Variants in RYR3 observed in about 807,000 individuals in gnomAD.
RYR3 encodes ryanodine receptor 3.
Under a neutral mutation model 584.3 loss-of-function variants are expected in RYR3, and 207 were observed. The ratio of observed to expected loss-of-function variants is 0.35; its 90% CI spans 0.32 to 0.40. The LOEUF is 0.40. Ranked by LOEUF, RYR3 falls within the 10% of genes least tolerant of loss-of-function variation. The pLI, the probability that RYR3 is intolerant of heterozygous loss-of-function variation, is 1.00. For synonymous variants in RYR3, 2,416 were observed against 2,248.5 expected (o/e 1.07, Z -2.11); for missense variants, 5,616 against 6,089.2 (o/e 0.92, Z 2.59).
Position 33,547,446 on chromosome 15 carries a change from G to A in RYR3, c.741-684G>A, listed in dbSNP as rs1172287049. ...TGTTGGTTTCTCAGTTTTGACAAAC[G>A]TACCCTGGTAATATAGGATGATAAC... On this transcript the variant is annotated intron_variant, in intron 8 of 103. Coordinates refer to ENST00000634891, the MANE Select transcript of RYR3 (RefSeq NM_001036.6). Among the ~76,000 whole-genome samples the A allele has an allele frequency of 2.0e-5, 3 of 152,128 alleles. No individual in the cohort carries two copies. In the East Asian group the frequency reaches 5.8e-4, roughly 29 times the overall value.
At chr15:33,494,692 A>C (rs1181068766) in intron 2 of RYR3, among the ~76,000 whole-genome samples, 1 of 152,164 alleles carries the variant, frequency 6.6e-6, no homozygotes, top group Non-Finnish European at 1.5e-5. Context: ...TATAAGTTTA[A>C]ATTTTCTGCA....
intron 63 of RYR3, among the ~76,000 whole-genome samples, chr15:33,773,182 A>G (rs1177502118): frequency 6.6e-6 from 1 of 152,208 alleles, no homozygotes; most frequent in Non-Finnish European, 1.5e-5. Context: ...GGAAGGAAAT[A>G]TTGCCCTGGA....
At chr15:33,572,688 C>CACACACACATAT (rs368204203) in intron 12 of RYR3, among the ~76,000 whole-genome samples, 3,535 of 131,196 alleles carry the variant, frequency 0.027, 103 homozygotes, top group Admixed American at 0.07. Flanking sequence ...CACACACACA[C>CACACACACATAT]ACTGGGCTGG....
chr15:33,601,682 G>A, intron 17 of RYR3, 130 bp downstream of exon 17: 1 of 919,960 alleles, frequency 1.1e-6, no homozygotes, highest in Non-Finnish European at 1.7e-6. Flanking sequence ...AAGTACATAA[G>A]ACAAGACCAA....
At chr15:33,732,202 A>G (rs889714723) in intron 48 of RYR3, among the ~76,000 whole-genome samples, 20 of 151,512 alleles carry the variant, frequency 1.3e-4, no homozygotes, top group African/African-American at 4.9e-4. Context: ...TAACACGGTG[A>G]AACCCCATCT....
intron 10 of RYR3, among the ~76,000 whole-genome samples, chr15:33,559,869 G>A (rs931335819): frequency 6.6e-6 from 1 of 152,182 alleles, no homozygotes; most frequent in South Asian, 2.1e-4. Flanking sequence ...GTGAGGCTGG[G>A]GAATTCCAAA....
intron 1 of RYR3, among the ~76,000 whole-genome samples, chr15:33,331,346 T>A (rs1226898417): frequency 6.6e-6 from 1 of 152,186 alleles, no homozygotes; most frequent in Admixed American, 6.5e-5. Context: ...CCACCTATTA[T>A]CTTATAGCTG....
At chr15:33,622,107 A>G (rs1315625303) in intron 19 of RYR3, among the ~76,000 whole-genome samples, 3 of 152,082 alleles carry the variant, frequency 2.0e-5, no homozygotes, top group Admixed American at 6.5e-5. Context: ...GAGTCTCCCA[A>G]TTGGTCCCCA....
In RYR3 at chr15:33,311,567, G is replaced by C. The variant is rs1002092054; in HGVS notation, c.51+471G>C. Among the ~76,000 whole-genome samples, 6 of 152,190 alleles carry C rather than the reference G, an allele frequency of 3.9e-5. No homozygotes were observed. The highest frequency in any genetic ancestry group is 2.9e-5 in the Non-Finnish European group (2 of 68,028). On this transcript the variant is annotated intron_variant, in intron 1 of 103. Transcript: ENST00000634891. The surrounding 1 kb of genome is among the most constrained non-coding windows in gnomAD (Gnocchi z 4.4). ...CCTCCGGGAAGGAGCCAGCGGGGCAGGGGGGAGTGTGGGGAGCCGGGTCGG... is the reference window on the plus strand; with the variant it reads ...CCTCCGGGAAGGAGCCAGCGGGGCACGGGGGAGTGTGGGGAGCCGGGTCGG...
intron 78 of RYR3, 132 bp from the exon 79 acceptor site, chr15:33,821,138 A>G: frequency 1.5e-6 from 1 of 678,148 alleles, no homozygotes; most frequent in Non-Finnish European, 2.6e-6. Flanking sequence ...AAACTTCAGA[A>G]GTCTGCTTTA....
At chr15:33,701,978 A>G (rs35962737) in intron 42 of RYR3, among the ~76,000 whole-genome samples, 27,949 of 152,118 alleles carry the variant, frequency 0.18, 2,767 homozygotes, top group Non-Finnish European at 0.23. Context: ...TACCATTTCT[A>G]TTACTAAAAG....
chr15:33,466,588 G>A (rs540642776), intron 1 of RYR3, among the ~76,000 whole-genome samples: 23 of 152,204 alleles, frequency 1.5e-4, no homozygotes, highest in Admixed American at 1.2e-3. Context: ...TCTGAGAGGT[G>A]GACACTGGAC....
At chr15:33,673,308 A>C (rs74643017) in intron 38 of RYR3, among the ~76,000 whole-genome samples, 77 of 152,356 alleles carry the variant, frequency 5.1e-4, no homozygotes, top group Non-Finnish European at 9.8e-4. Flanking sequence ...GATGTTGGCC[A>C]ATGACCTGCA....
intron 60 of RYR3, 88 bp downstream of exon 60, chr15:33,757,684 T>G: frequency 7.1e-7 from 1 of 1,413,136 alleles, no homozygotes. Context: ...GCGAGTCTTT[T>G]GGAGAAATGA....
chr15:33,437,117 AGTGTGTGTGTGTGTGTGTGT>A (rs71415518), intron 1 of RYR3, among the ~76,000 whole-genome samples: 13 of 149,572 alleles, frequency 8.7e-5, no homozygotes, highest in East Asian at 4.0e-4. Flanking sequence ...AGAGAGATAG[AGTGTGTGTGTGTGTGTGTGT>A]GTGTGTGTGT....
intron 1 of RYR3, among the ~76,000 whole-genome samples, chr15:33,410,466 G>A (rs2043323273): frequency 1.3e-5 from 2 of 152,154 alleles, no homozygotes; most frequent in Non-Finnish European, 1.5e-5. Context: ...TGTCACTAAA[G>A]GTCCATCCTC....
intron 57 of RYR3, among the ~76,000 whole-genome samples, chr15:33,753,819 A>G (rs983947116): frequency 1.3e-5 from 2 of 152,214 alleles, no homozygotes; most frequent in Non-Finnish European, 2.9e-5. Flanking sequence ...TAACACCAAG[A>G]TGAATCTGTG....
chr15:33,378,701 C>T (rs541380492), intron 1 of RYR3, among the ~76,000 whole-genome samples: 2 of 152,332 alleles, frequency 1.3e-5, no homozygotes, highest in Middle Eastern at 3.4e-3. Flanking sequence ...CAGTGGCTCA[C>T]GCCTGTAATC....
chr15:33,343,372 C>T, intron 1 of RYR3, among the ~76,000 whole-genome samples: 1 of 152,146 alleles, frequency 6.6e-6, no homozygotes, highest in Non-Finnish European at 1.5e-5. Context: ...ATCTCTTTTA[C>T]AGTCTAACGA....
Sources: gnomAD v4.1 joint callset for allele counts (sites outside exome capture counted in the v4.1 genomes callset) on GRCh38, gnomAD v4.1.1 for gene constraint, Gnocchi (gnomAD v3.1) non-coding constraint, MANE v1.5 for transcripts, NCBI Gene and HGNC (gene_info 2026-07-23, HGNC 2026-07-21) for gene names.